Variants in VAT1L observed in about 807,000 individuals in gnomAD.
The protein encoded by VAT1L is vesicle amine transport 1 like.
Under a neutral mutation model 44.1 loss-of-function variants are expected in VAT1L, and 34 were observed. That is an observed-to-expected ratio of 0.77 (90% CI 0.59 to 1.03). The LOEUF is 1.03. Ranked by LOEUF, VAT1L falls within the 50% of genes least tolerant of loss-of-function variation. VAT1L has a pLI of 0.00. For synonymous variants in VAT1L, 253 were observed against 202.2 expected (o/e 1.25, Z -2.13); for missense variants, 615 against 538.8 (o/e 1.14, Z -1.40).
intron 7 of VAT1L, among the ~76,000 whole-genome samples, chr16:77,911,486 C>T (rs1283256319): frequency 3.9e-5 from 6 of 152,188 alleles, no homozygotes; most frequent in South Asian, 2.1e-4. Context: ...GACCCTCCCT[C>T]GGCCTCACCC....
chr16:77,927,834 A>T (rs533470312), intron 7 of VAT1L, among the ~76,000 whole-genome samples: 1 of 152,270 alleles, frequency 6.6e-6, no homozygotes, highest in African/African-American at 2.4e-5. Flanking sequence ...ACGCCACTGT[A>T]CTCCAGTCTG....
At position 77,954,353 on chromosome 16, in the gene VAT1L, G is replaced by A. The variant is rs1401685497; in HGVS notation, c.1078-17497G>A. On this transcript the variant is annotated intron_variant, in intron 7 of 8. Transcript: ENST00000302536. Reference sequence around the variant, plus strand: ...CAAAAAGTGGAATGTCAGGCCGGGCGCGGTGGCTCACGCCTGTAATCCCAG... The same window carrying A: ...CAAAAAGTGGAATGTCAGGCCGGGCACGGTGGCTCACGCCTGTAATCCCAG... 3.9e-5 allele frequency among the ~76,000 whole-genome samples: 6 copies of A among 152,182 alleles called. No individual in the cohort carries two copies. The East Asian group carries it at 5.8e-4, about 15-fold the overall frequency.
chr16:77,901,582 C>G (rs1275287334), intron 7 of VAT1L, among the ~76,000 whole-genome samples: 1 of 152,312 alleles, frequency 6.6e-6, no homozygotes, highest in East Asian at 1.9e-4. Flanking sequence ...ACTTAGTCTC[C>G]TCTCAGAGCA....
intron 3 of VAT1L, among the ~76,000 whole-genome samples, chr16:77,837,962 G>A (rs1213364221): frequency 6.6e-6 from 1 of 152,158 alleles, no homozygotes; most frequent in Non-Finnish European, 1.5e-5. Context: ...AAACAGGTTA[G>A]GTTGACGGTT....
chr16:77,926,991 A>G (rs773629176), intron 7 of VAT1L, among the ~76,000 whole-genome samples: 4 of 152,174 alleles, frequency 2.6e-5, no homozygotes, highest in African/African-American at 4.8e-5. Context: ...CTGGTTAGGA[A>G]TGTAGAAGAC....
At chr16:77,799,295 TC>T (rs2015998072) in intron 1 of VAT1L, among the ~76,000 whole-genome samples, 1 of 145,126 alleles carries the variant, frequency 6.9e-6, no homozygotes, top group Non-Finnish European at 1.5e-5. Flanking sequence ...TCTGTCTCTC[TC>T]CTTCCCTTCT....
At chr16:77,808,489 G>T (rs1567471342) in intron 1 of VAT1L, among the ~76,000 whole-genome samples, 1 of 151,658 alleles carries the variant, frequency 6.6e-6, no homozygotes, top group African/African-American at 2.4e-5. Flanking sequence ...CTGCTCCATG[G>T]AAAAAAAATG....
intron 1 of VAT1L, among the ~76,000 whole-genome samples, chr16:77,803,652 C>G (rs1224755468): frequency 6.6e-6 from 1 of 152,050 alleles, no homozygotes; most frequent in Non-Finnish European, 1.5e-5. Context: ...ATTTCCTGAC[C>G]TCGTGATCCG....
intron 7 of VAT1L, among the ~76,000 whole-genome samples, chr16:77,961,814 G>A (rs1383557211): frequency 2.0e-5 from 3 of 152,194 alleles, no homozygotes; most frequent in Non-Finnish European, 2.9e-5. Context: ...TCAGCTGTGT[G>A]ATCTTAGGTG....
intron 3 of VAT1L, among the ~76,000 whole-genome samples, chr16:77,850,256 C>T (rs770095320): frequency 2.0e-4 from 30 of 152,104 alleles, no homozygotes; most frequent in Admixed American, 2.6e-4. Flanking sequence ...TGTTTGATTC[C>T]GTGTAAGGCT....
intron 4 of VAT1L, among the ~76,000 whole-genome samples, chr16:77,872,583 C>T (rs186877733): frequency 1.3e-5 from 2 of 152,222 alleles, no homozygotes; most frequent in South Asian, 2.1e-4. Context: ...TCAAAGCAAG[C>T]GGCCCTTTGT....
intron 7 of VAT1L, among the ~76,000 whole-genome samples, chr16:77,890,174 A>G (rs1468816030): frequency 6.6e-6 from 1 of 152,018 alleles, no homozygotes; most frequent in Non-Finnish European, 1.5e-5. Flanking sequence ...GATAGGAATG[A>G]TTTGGATGAC....
At chr16:77,970,189 T>C (rs890496147) in intron 7 of VAT1L, among the ~76,000 whole-genome samples, 2 of 152,102 alleles carry the variant, frequency 1.3e-5, no homozygotes, top group Non-Finnish European at 2.9e-5. Context: ...TGATCTGTGA[T>C]TGTACTGCTT....
chr16:77,936,628 G>A (rs1182255286), intron 7 of VAT1L, among the ~76,000 whole-genome samples: 1 of 152,194 alleles, frequency 6.6e-6, no homozygotes, highest in Non-Finnish European at 1.5e-5. Flanking sequence ...TGAAGCGAGA[G>A]AGCGTGCTTC....
At chr16:77,958,473 T>C (rs1597121321) in intron 7 of VAT1L, among the ~76,000 whole-genome samples, 1 of 152,324 alleles carries the variant, frequency 6.6e-6, no homozygotes, top group East Asian at 1.9e-4. Context: ...CACTCCCATG[T>C]AGGAATCAGC....
chr16:77,942,062 T>G (rs1019098568), intron 7 of VAT1L, among the ~76,000 whole-genome samples: 1 of 152,204 alleles, frequency 6.6e-6, no homozygotes, highest in South Asian at 2.1e-4. Flanking sequence ...ATTTCTCTAA[T>G]GATTAGTGTA....
intron 4 of VAT1L, among the ~76,000 whole-genome samples, chr16:77,874,693 C>T (rs940613814): frequency 2.0e-5 from 3 of 152,040 alleles, no homozygotes; most frequent in Non-Finnish European, 2.9e-5. Flanking sequence ...GGCATGAGAC[C>T]ACATTTCAAC....
At position 77,945,364 on chromosome 16, in the gene VAT1L, G is replaced by A. The variant is rs115924116; in HGVS notation, c.1078-26486G>A. On this transcript the variant is annotated intron_variant, in intron 7 of 8. Transcript: ENST00000302536. Reference sequence around the variant, plus strand: ...TACAGTGATGCAGTCATAGCTCACCGCAGCCTCAAACTCCTAGGCTCAAGT... The same window carrying A: ...TACAGTGATGCAGTCATAGCTCACCACAGCCTCAAACTCCTAGGCTCAAGT... Among the ~76,000 whole-genome samples the A allele has an allele frequency of 5.0e-3, 674 of 135,552 alleles. 8 individuals carry two copies. The highest frequency in any genetic ancestry group is 0.017 in the African/African-American group (608 of 36,834). The allele number at this position is 135,552 out of a possible 152,430, so 88.9% of individuals were successfully genotyped here. A position where few individuals can be genotyped will look rare whatever the true frequency, so the allele number is the denominator to read the frequency against.
chr16:77,816,446 G>A (rs1361949475), intron 1 of VAT1L, among the ~76,000 whole-genome samples: 2 of 152,180 alleles, frequency 1.3e-5, no homozygotes, highest in Non-Finnish European at 2.9e-5. Context: ...TGGTTGTTTT[G>A]AGACCTTAGG....
Sources: allele counts gnomAD v4.1 joint callset (sites outside exome capture counted in the v4.1 genomes callset), GRCh38; gene constraint gnomAD v4.1.1; transcripts MANE v1.5; gene names NCBI Gene and HGNC (gene_info 2026-07-23, HGNC 2026-07-21).